MTUS2: variants seen among roughly 807,000 people sequenced by gnomAD.
MTUS2 encodes the protein microtubule associated scaffold protein 2.
Under a neutral mutation model 114.1 loss-of-function variants are expected in MTUS2, and 40 were observed. That is an observed-to-expected ratio of 0.35 (90% CI 0.27 to 0.46). The LOEUF is 0.46. Ranked by LOEUF, MTUS2 falls within the 20% of genes least tolerant of loss-of-function variation. MTUS2 has a pLI of 1.00. For missense variants in MTUS2, 1,679 were observed against 1,705.4 expected, an observed-to-expected ratio of 0.98 and a Z score of 0.27; for synonymous variants, 688 against 672.0, an observed-to-expected ratio of 1.02 and a Z score of -0.37.
chr13:29,503,274 C>G lies in MTUS2; in HGVS notation c.*68C>G. 1 of 1,556,786 alleles carries G rather than the reference C, an allele frequency of 6.4e-7. No homozygotes were observed. Among genetic ancestry groups the G allele is most frequent in the South Asian group, 1.1e-5 (1 of 89,214 alleles). ...GGTCTCCACCCTGAGGGAGCACCGA[C>G]CCGGTGCCGCCGGAGCTGGCCCTGT... On this transcript the variant is annotated 3_prime_UTR_variant, in exon 16 of 16. Transcript: ENST00000612955.
At chr13:29,120,249 GGTATTCA>G (rs201604605) in intron 5 of MTUS2, among the ~76,000 whole-genome samples, 2,941 of 151,894 alleles carry the variant, frequency 0.019, 105 homozygotes, top group African/African-American at 0.067. Context: ...AAACCTTAAA[GGTATTCA>G]TATCATGAAT....
intron 5 of MTUS2, among the ~76,000 whole-genome samples, chr13:29,114,563 G>T (rs768505871): frequency 6.6e-6 from 1 of 152,190 alleles, no homozygotes; most frequent in African/African-American, 2.4e-5. Flanking sequence ...GTAGGAGGGG[G>T]AGAGAAATAT....
chr13:28,844,307 G>A (rs934935456), intron 2 of MTUS2, among the ~76,000 whole-genome samples: 5 of 152,168 alleles, frequency 3.3e-5, no homozygotes, highest in African/African-American at 9.7e-5. Flanking sequence ...GCTTTTTAAT[G>A]TCTGCTTTTG....
intron 4 of MTUS2, among the ~76,000 whole-genome samples, chr13:29,076,774 A>T (rs1458769285): frequency 2.4e-4 from 37 of 152,182 alleles, no homozygotes; most frequent in Admixed American, 2.4e-3. Context: ...GTCAGCCCTG[A>T]TTCACTGGTG....
At chr13:29,005,141 G>A (rs915542110) in intron 2 of MTUS2, among the ~76,000 whole-genome samples, 6 of 152,160 alleles carry the variant, frequency 3.9e-5, no homozygotes, top group South Asian at 2.1e-4. Context: ...GGCCACTTCT[G>A]CCATCAGGTC....
chr13:28,938,370 ACT>A (rs1039273942), intron 2 of MTUS2, among the ~76,000 whole-genome samples: 20 of 149,358 alleles, frequency 1.3e-4, no homozygotes, highest in African/African-American at 4.2e-4. Flanking sequence ...ACAGAGTGAG[ACT>A]CTGTCTCAAA....
chr13:29,028,220 A>G (rs996766903), intron 3 of MTUS2, among the ~76,000 whole-genome samples: 1 of 152,170 alleles, frequency 6.6e-6, no homozygotes, highest in Non-Finnish European at 1.5e-5. Flanking sequence ...GTGTGGTGGC[A>G]TGTGCCTGTA....
At chr13:29,129,189 C>CTTTTTT (rs10610501) in intron 5 of MTUS2, among the ~76,000 whole-genome samples, 1 of 138,478 alleles carries the variant, frequency 7.2e-6, no homozygotes, top group African/African-American at 2.7e-5. Flanking sequence ...CCCTGGCAGT[C>CTTTTTT]TTTTTTTTTT....
At chr13:29,161,318 C>T (rs937712565) in intron 5 of MTUS2, among the ~76,000 whole-genome samples, 10 of 151,390 alleles carry the variant, frequency 6.6e-5, no homozygotes, top group Non-Finnish European at 1.0e-4. Context: ...AAGATTGCGC[C>T]GTATTAATTT....
At chr13:29,000,032 C>T (rs1298879651) in intron 2 of MTUS2, among the ~76,000 whole-genome samples, 1 of 152,154 alleles carries the variant, frequency 6.6e-6, no homozygotes, top group Non-Finnish European at 1.5e-5. Context: ...TTGATGGATA[C>T]TTAGGTCGAT....
intron 2 of MTUS2, among the ~76,000 whole-genome samples, chr13:28,939,206 A>C (rs767286323): frequency 4.6e-5 from 7 of 152,180 alleles, no homozygotes; most frequent in Non-Finnish European, 8.8e-5. Flanking sequence ...GCTTCTGCCC[A>C]ACTGCTGCTC....
At chr13:29,178,038 T>C (rs1431032495) in intron 5 of MTUS2, among the ~76,000 whole-genome samples, 1 of 152,166 alleles carries the variant, frequency 6.6e-6, no homozygotes, top group African/African-American at 2.4e-5. Context: ...TAGAGCTGCA[T>C]TGTTGTCTGC....
intron 2 of MTUS2, among the ~76,000 whole-genome samples, chr13:28,851,381 A>G (rs1215622623): frequency 6.6e-6 from 1 of 152,248 alleles, no homozygotes; most frequent in Non-Finnish European, 1.5e-5. Flanking sequence ...TCCCAAAGCC[A>G]TGGCATTGGC....
At chr13:28,887,001 C>T (rs1878628980) in intron 2 of MTUS2, among the ~76,000 whole-genome samples, 1 of 152,148 alleles carries the variant, frequency 6.6e-6, no homozygotes, top group African/African-American at 2.4e-5. Context: ...GAGCAAGGTA[C>T]AGAGCTAGTG....
At chr13:29,440,185 A>G in intron 9 of MTUS2, 136 bp downstream of exon 9, 1 of 811,874 alleles carries the variant, frequency 1.2e-6, no homozygotes, top group Non-Finnish European at 2.0e-6. Context: ...CTCACCCAGC[A>G]CAGTGGTGGG....
At chr13:29,037,870 T>G (rs1231871209) in intron 4 of MTUS2, among the ~76,000 whole-genome samples, 3 of 152,244 alleles carry the variant, frequency 2.0e-5, no homozygotes, top group African/African-American at 7.2e-5. Context: ...TCAGGTCATT[T>G]ATGTTCTTCT....
chr13:29,280,738 C>CA (rs1165769253), intron 5 of MTUS2, among the ~76,000 whole-genome samples: 7 of 152,142 alleles, frequency 4.6e-5, no homozygotes, highest in Non-Finnish European at 8.8e-5. Flanking sequence ...TTATTCCAAA[C>CA]AAGTGGTAAT....
At chr13:29,230,042 C>A (rs1489874071) in intron 5 of MTUS2, among the ~76,000 whole-genome samples, 4 of 152,072 alleles carry the variant, frequency 2.6e-5, no homozygotes, top group Non-Finnish European at 5.9e-5. Flanking sequence ...GTCAGGAGAC[C>A]AAGATCATCC....
chr13:29,166,470 G>A (rs949343632), intron 5 of MTUS2, among the ~76,000 whole-genome samples: 1 of 152,228 alleles, frequency 6.6e-6, no homozygotes, highest in African/African-American at 2.4e-5. Flanking sequence ...TCTTGCTTCT[G>A]TGGATGGGTG....
Sources: gnomAD v4.1 joint callset for allele counts (sites outside exome capture counted in the v4.1 genomes callset) on GRCh38, gnomAD v4.1.1 for gene constraint, MANE v1.5 for transcripts, NCBI Gene and HGNC (gene_info 2026-07-23, HGNC 2026-07-21) for gene names.